Variants in LRRFIP2 observed in about 807,000 individuals in gnomAD.
LRRFIP2 encodes the protein LRR binding FLII interacting protein 2.
LRRFIP2 carries 109 observed loss-of-function variants against 125.9 expected under a neutral mutation model. The ratio of observed to expected loss-of-function variants is 0.87; its 90% CI spans 0.74 to 1.01. LRRFIP2 has a LOEUF of 1.01. LRRFIP2 is among the 50% of genes least tolerant of loss of function. The pLI is 0.00. For missense variants in LRRFIP2, 850 were observed against 862.3 expected, an observed-to-expected ratio of 0.99 and a Z score of 0.18; for synonymous variants, 291 against 293.1, an observed-to-expected ratio of 0.99 and a Z score of 0.07.
At chr3:37,130,512 G>A (rs79721566) in intron 2 of LRRFIP2, among the ~76,000 whole-genome samples, 2,384 of 152,246 alleles carry the variant, frequency 0.016, 69 homozygotes, top group African/African-American at 0.052. Flanking sequence ...TCCAAGTCCA[G>A]TAGTTCCCCC....
At chr3:37,086,683 AAGTT>A (rs946639486) in intron 18 of LRRFIP2, among the ~76,000 whole-genome samples, 2 of 152,156 alleles carry the variant, frequency 1.3e-5, no homozygotes, top group African/African-American at 4.8e-5. Context: ...CAGAGACAGA[AAGTT>A]AGTGATTGGG....
chr3:37,070,114 CT>C lies in LRRFIP2; in HGVS notation c.1464+2675del, dbSNP rs528717261. On this transcript the variant is annotated intron_variant, in intron 21 of 27. Coordinates refer to ENST00000336686, the MANE Select transcript of LRRFIP2 (RefSeq NM_006309.4). ...ATATAGGATCTCTGTTAAATTTCCTCTTTTTTTTTTTTTTTTTGAAACAGGG... is the reference window on the plus strand; with the variant it reads ...ATATAGGATCTCTGTTAAATTTCCTCTTTTTTTTTTTTTTTTGAAACAGGG... Among the ~76,000 whole-genome samples the C allele has an allele frequency of 7.8e-3, 1,070 of 136,880 alleles. 4 individuals are homozygous for C. Among genetic ancestry groups the C allele is most frequent in the Middle Eastern group, 0.044 (11 of 252 alleles). 89.8% of individuals were successfully genotyped at this position (136,880 alleles called of 152,430 possible).
At chr3:37,156,921 G>C (rs2096217615) in intron 1 of LRRFIP2, among the ~76,000 whole-genome samples, 2 of 151,768 alleles carry the variant, frequency 1.3e-5, no homozygotes, top group Admixed American at 1.3e-4. Context: ...CCTGAGGTTG[G>C]GAGTTCAAGA....
intron 14 of LRRFIP2, among the ~76,000 whole-genome samples, chr3:37,105,238 G>A (rs942902684): frequency 1.3e-5 from 2 of 152,166 alleles, no homozygotes; most frequent in African/African-American, 4.8e-5. Flanking sequence ...TCACTCCTAA[G>A]AGATGTAAAA....
At chr3:37,109,505 A>G in intron 11 of LRRFIP2, 22 bp downstream of exon 11, 1 of 1,613,708 alleles carries the variant, frequency 6.2e-7, no homozygotes, top group South Asian at 1.1e-5. Flanking sequence ...CACTGCACAC[A>G]CTGGAAGAGG....
chr3:37,091,430 A>G, intron 18 of LRRFIP2, 37 bp downstream of exon 18: 2 of 1,544,158 alleles, frequency 1.3e-6, no homozygotes, highest in Non-Finnish European at 8.8e-7. Flanking sequence ...ACTTCTGCAT[A>G]CAGAGCATGC....
At chr3:37,076,329 T>G (rs183399055) in intron 19 of LRRFIP2, among the ~76,000 whole-genome samples, 77 of 151,798 alleles carry the variant, frequency 5.1e-4, no homozygotes, top group African/African-American at 1.8e-3. Context: ...TTCAAGACCC[T>G]GCCTGGGCAA....
chr3:37,143,440 C>A, intron 2 of LRRFIP2: 1 of 188,476 alleles, frequency 5.3e-6, no homozygotes. Flanking sequence ...GCTGCTTTTT[C>A]ACATTAGAGA....
chr3:37,175,676 C>G (rs1225626317), upstream of LRRFIP2: 1 of 152,314 alleles, frequency 6.6e-6, no homozygotes, highest in South Asian at 2.1e-4. Context: ...CCTACACCGT[C>G]CTGACACCGT....
chr3:37,146,273 G>A (rs576328265), intron 2 of LRRFIP2, among the ~76,000 whole-genome samples: 10 of 152,114 alleles, frequency 6.6e-5, no homozygotes, highest in East Asian at 1.9e-4. Context: ...TCGTATCTAC[G>A]TTTTCATTTT....
chr3:37,153,677 A>G (rs1237055599), intron 1 of LRRFIP2, among the ~76,000 whole-genome samples: 1 of 152,200 alleles, frequency 6.6e-6, no homozygotes, highest in African/African-American at 2.4e-5. Flanking sequence ...AATTGCTTCC[A>G]AACAAAATGG....
rs374698743 is a variant in LRRFIP2, at chr3:37,109,710, G to A, written c.514-7C>T. 233 of 1,613,268 alleles carry A rather than the reference G, an allele frequency of 1.4e-4. No homozygotes were observed. Among genetic ancestry groups the A allele is most frequent in the Non-Finnish European group, 1.8e-4 (212 of 1,179,622 alleles). On this transcript the variant is annotated splice_region_variant and splice_polypyrimidine_tract_variant and intron_variant, in intron 9 of 27. Coordinates refer to ENST00000336686, the MANE Select transcript of LRRFIP2 (RefSeq NM_006309.4). ...TGTACAGGGAAGAAGACTGCTAAGA[G>A]ACAAAAACAAAATAAATAAGCAAAA...
At chr3:37,142,622 T>C (rs10749) in intron 2 of LRRFIP2, among the ~76,000 whole-genome samples, 148,373 of 152,318 alleles carry the variant, frequency 0.97, 72,369 homozygotes, top group East Asian at 1. Context: ...GGAAACTTCA[T>C]AACATGTAGA....
Position 37,105,534 on chromosome 3 carries a change from TA to T in LRRFIP2, c.715-12del. 6.2e-7 allele frequency: 1 copy of T among 1,606,216 alleles called. No individual in the cohort carries two copies. Among genetic ancestry groups the T allele is most frequent in the South Asian group, 1.1e-5 (1 of 90,886 alleles). On this transcript the variant is annotated splice_polypyrimidine_tract_variant and intron_variant, in intron 13 of 27. Coordinates refer to ENST00000336686, the MANE Select transcript of LRRFIP2 (RefSeq NM_006309.4). The stretch of plus-strand genomic sequence containing the variant: ...GTCATCGTTGGTAAACTATAGATAT[TA>T]AATGCAGATAATGAAAAAGATGCAA...
chr3:37,158,323 CA>C (rs1040399025), intron 1 of LRRFIP2, among the ~76,000 whole-genome samples: 5 of 152,008 alleles, frequency 3.3e-5, no homozygotes, highest in African/African-American at 1.2e-4. Flanking sequence ...AAGTGTGAAA[CA>C]GGCCAGGCAC....
chr3:37,105,548 GA>G (rs759082797), intron 13 of LRRFIP2, 25 bp from the exon 14 acceptor site: 1 of 1,586,004 alleles, frequency 6.3e-7, no homozygotes, highest in African/African-American at 1.3e-5. Context: ...TGCAGATAAT[GA>G]AAAAGATGCA....
intron 18 of LRRFIP2, among the ~76,000 whole-genome samples, chr3:37,086,526 A>G (rs2093059071): frequency 6.6e-6 from 1 of 152,254 alleles, no homozygotes; most frequent in Non-Finnish European, 1.5e-5. Context: ...TCCATACAGT[A>G]GAATACTATC....
intron 12 of LRRFIP2, 91 bp from the exon 13 acceptor site, chr3:37,108,220 C>A: frequency 9.9e-7 from 1 of 1,011,570 alleles, no homozygotes; most frequent in Non-Finnish European, 1.5e-6. Context: ...CTAACTTGCC[C>A]CTGGTTCTCA....
At chr3:37,149,140 T>C (rs1250840808) in intron 1 of LRRFIP2, 102 bp from the exon 2 acceptor site, 3 of 796,380 alleles carry the variant, frequency 3.8e-6, no homozygotes, top group Non-Finnish European at 5.6e-6. Flanking sequence ...ACCAAATACC[T>C]CTTCCCACTA....
Sources: gnomAD v4.1 joint callset for allele counts (sites outside exome capture counted in the v4.1 genomes callset) on GRCh38, gnomAD v4.1.1 for gene constraint, MANE v1.5 for transcripts, NCBI Gene and HGNC (gene_info 2026-07-23, HGNC 2026-07-21) for gene names.